Variants in PARP4 observed in about 807,000 individuals in gnomAD.
PARP4 encodes protein mono-ADP-ribosyltransferase PARP4.
PARP4 carries 120 observed loss-of-function variants against 187.7 expected under a neutral mutation model. That is an observed-to-expected ratio of 0.64 (90% CI 0.55 to 0.74). The LOEUF (loss-of-function observed/expected upper bound fraction) is 0.74. Among genes scored for constraint, PARP4 ranks in the 30% least tolerant of loss-of-function variants. The probability of loss-of-function intolerance (pLI) is 0.00; values close to 1 mark genes in which losing one functional copy is unlikely to be tolerated. For missense variants in PARP4, 1,836 were observed against 2,070.5 expected, an observed-to-expected ratio of 0.89 and a Z score of 2.20; for synonymous variants, 654 against 740.9, an observed-to-expected ratio of 0.88 and a Z score of 1.90.
chr13:24,425,325 T>C (rs1405571081), intron 33 of PARP4, among the ~76,000 whole-genome samples: 1 of 152,042 alleles, frequency 6.6e-6, no homozygotes, highest in Non-Finnish European at 1.5e-5. Context: ...TAAATATCAA[T>C]CTTATGCATT....
intron 1 of PARP4, 132 bp from the exon 2 acceptor site, chr13:24,503,909 G>C (rs1422116568): frequency 2.7e-6 from 2 of 729,304 alleles, no homozygotes; most frequent in East Asian, 5.1e-5. Context: ...GTTATCAATA[G>C]AACATTGCAA....
chr13:24,482,578 A>T (rs1356318218), intron 12 of PARP4, among the ~76,000 whole-genome samples: 1 of 152,236 alleles, frequency 6.6e-6, no homozygotes, highest in Admixed American at 6.5e-5. Flanking sequence ...CGGCAAAAAG[A>T]CAATGGCTCA....
rs536457572 is a variant in PARP4, at chr13:24,464,266, T to A, written c.2134-4130A>T. On this transcript the variant is annotated intron_variant, in intron 17 of 33. Coordinates refer to ENST00000381989, the MANE Select transcript of PARP4 (RefSeq NM_006437.4). ...CAATGCTACTCCTATTAAACTACCA[T>A]TGACATTCTTCACAGAATTAGAAAA... Among the ~76,000 whole-genome samples the A allele has an allele frequency of 1.4e-4, 22 of 152,192 alleles. No homozygotes were observed. The South Asian group carries it at 4.1e-3, about 29-fold the overall frequency.
At chr13:24,439,784 T>C (rs1180438464) in intron 30 of PARP4, among the ~76,000 whole-genome samples, 3 of 152,124 alleles carry the variant, frequency 2.0e-5, no homozygotes, top group East Asian at 1.9e-4. Context: ...AATTTTTTTT[T>C]CCCCAAAACA....
chr13:24,464,358 G>T (rs868477808), intron 17 of PARP4, among the ~76,000 whole-genome samples: 9 of 152,192 alleles, frequency 5.9e-5, no homozygotes, highest in Non-Finnish European at 8.8e-5. Flanking sequence ...TAAGCAAAAA[G>T]AACAAAGCTG....
At chr13:24,490,641 A>T (rs1340913109) in intron 10 of PARP4, 27 bp downstream of exon 10, 2 of 1,571,860 alleles carry the variant, frequency 1.3e-6, no homozygotes, top group South Asian at 2.2e-5. Flanking sequence ...ATTATAACAG[A>T]TCCTGAGATA....
intron 31 of PARP4, among the ~76,000 whole-genome samples, chr13:24,432,195 TCA>T (rs1491570341): frequency 7.5e-6 from 1 of 132,836 alleles, no homozygotes; most frequent in Non-Finnish European, 1.7e-5. Flanking sequence ...TGAACATTTA[TCA>T]TGTCTTTGTG....
In PARP4 at chr13:24,441,986, T is replaced by C. The variant is rs752100001; in HGVS notation, c.3544-18A>G. On this transcript the variant is annotated intron_variant, in intron 29 of 33. Transcript: ENST00000381989. The stretch of plus-strand genomic sequence containing the variant: ...TTCTCATCCTATATTGAATCACAAA[T>C]AGATTAAATCAAACAGATGTTATCC... The C allele has an allele frequency of 1.9e-6, 3 of 1,570,440 alleles. No homozygotes were observed. The highest frequency in any genetic ancestry group is 1.9e-5 in the Admixed American group (1 of 53,104).
At chr13:24,505,555 T>C (rs1464074509) in intron 1 of PARP4, among the ~76,000 whole-genome samples, 3 of 152,110 alleles carry the variant, frequency 2.0e-5, no homozygotes. Context: ...CCCAGAAATG[T>C]TTCACTTTGC....
chr13:24,505,910 C>T (rs113374852), intron 1 of PARP4, among the ~76,000 whole-genome samples: 1,586 of 152,330 alleles, frequency 0.01, 25 homozygotes, highest in African/African-American at 0.035. Flanking sequence ...CCGCGGCCCA[C>T]GCGTCTTGGG....
At position 24,478,246 on chromosome 13, in the gene PARP4, C is replaced by T. The variant is rs147669222; in HGVS notation, c.1479G>A (p.Glu493=). 4 of 1,611,962 alleles carry T rather than the reference C, an allele frequency of 2.5e-6. No homozygotes were observed. Among genetic ancestry groups the T allele is most frequent in the Admixed American group, 1.7e-5 (1 of 59,716 alleles). ...STSIKYSHPG[E]TDGTRLLLIC... is the part of the protein sequence containing the mutation. ...TGAGCAGGAGTCTGGTGCCATCTGTCTCTCCCGGGTGTGAGTACTTGATAC... is the reference window on the plus strand; with the variant it reads ...TGAGCAGGAGTCTGGTGCCATCTGTTTCTCCCGGGTGTGAGTACTTGATAC... The change falls in exon 13 of 34, where the codon GAG becomes GAA. Residue 493 remains glutamate, a synonymous_variant. Transcript: ENST00000381989.
chr13:24,498,112 T>C lies in PARP4; in HGVS notation c.591+4A>G. On this transcript the variant is annotated splice_donor_region_variant and intron_variant, in intron 6 of 33. Coordinates refer to ENST00000381989, the MANE Select transcript of PARP4 (RefSeq NM_006437.4). ...CACATAGGAATCAATATAAACAGCATTACCTCCATGCCATCATCCAGGAGG... is the reference window on the plus strand; with the variant it reads ...CACATAGGAATCAATATAAACAGCACTACCTCCATGCCATCATCCAGGAGG... 1 of 1,585,220 alleles carries C rather than the reference T, an allele frequency of 6.3e-7. No homozygotes were observed. The highest frequency in any genetic ancestry group is 8.7e-7 in the Non-Finnish European group (1 of 1,153,820).
chr13:24,495,079 T>C (rs899712019), intron 6 of PARP4, among the ~76,000 whole-genome samples: 3 of 152,120 alleles, frequency 2.0e-5, no homozygotes, highest in African/African-American at 7.2e-5. Context: ...GTTTCAACCA[T>C]GTTGGCTTGA....
At chr13:24,469,168 G>C in intron 16 of PARP4, 58 bp from the exon 17 acceptor site, 1 of 1,178,150 alleles carries the variant, frequency 8.5e-7, no homozygotes. Flanking sequence ...AGGCTTTAAT[G>C]AAGAAAACAA....
At chr13:24,476,536 T>A (rs1192337703) in intron 14 of PARP4, among the ~76,000 whole-genome samples, 1 of 152,184 alleles carries the variant, frequency 6.6e-6, no homozygotes, top group Non-Finnish European at 1.5e-5. Context: ...TATGGCAGCA[T>A]ATTGAAAAAT....
At chr13:24,453,530 C>T (rs1306380831) in intron 23 of PARP4, 57 bp downstream of exon 23, 1 of 1,054,456 alleles carries the variant, frequency 9.5e-7, no homozygotes, top group East Asian at 2.4e-5. Context: ...CCCTGGAGGT[C>T]CCCTTAAAGC....
At chr13:24,438,453 G>C (rs746161645) in intron 30 of PARP4, among the ~76,000 whole-genome samples, 18 of 152,218 alleles carry the variant, frequency 1.2e-4, no homozygotes, top group Non-Finnish European at 1.3e-4. Flanking sequence ...AAGGAACAGC[G>C]TGGGCTCTGG....
intron 15 of PARP4, among the ~76,000 whole-genome samples, chr13:24,474,464 A>G (rs953545486): frequency 6.7e-6 from 1 of 148,832 alleles, no homozygotes; most frequent in Admixed American, 6.7e-5. Context: ...CCCTCCCCGG[A>G]GCAGCCCACA....
chr13:24,499,462 T>G (rs1869152263), intron 4 of PARP4, 86 bp from the exon 5 acceptor site: 1 of 1,075,902 alleles, frequency 9.3e-7, no homozygotes, highest in Admixed American at 2.9e-5. Flanking sequence ...CTTGTACATC[T>G]TTACAAAATA....
Sources: allele counts gnomAD v4.1 joint callset (sites outside exome capture counted in the v4.1 genomes callset), GRCh38; gene constraint gnomAD v4.1.1; transcripts MANE v1.5; gene names NCBI Gene and HGNC (gene_info 2026-07-23, HGNC 2026-07-21).